The following DLC1 variants were observed in gnomAD, a reference collection of about 807,000 sequenced individuals.
DLC1 encodes rho GTPase-activating protein 7.
In DLC1, 54 loss-of-function variants were observed where a neutral mutation model predicts 140.3. The ratio of observed to expected loss-of-function variants is 0.38; its 90% CI spans 0.31 to 0.48. The LOEUF (loss-of-function observed/expected upper bound fraction) is 0.48, where lower values mean the gene tolerates loss of function less well. Ranked by LOEUF, DLC1 falls within the 20% of genes least tolerant of loss-of-function variation. The probability of loss-of-function intolerance (pLI) is 0.96; values close to 1 mark genes in which losing one functional copy is unlikely to be tolerated. For missense variants in DLC1, 2,536 were observed against 1,907.0 expected, an observed-to-expected ratio of 1.33 and a Z score of -6.14; for synonymous variants, 986 against 728.1, an observed-to-expected ratio of 1.35 and a Z score of -5.70.
intron 5 of DLC1, among the ~76,000 whole-genome samples, chr8:13,183,728 C>A (rs1206719914): frequency 6.6e-6 from 1 of 152,118 alleles, no homozygotes; most frequent in Non-Finnish European, 1.5e-5. Flanking sequence ...CAGTATTTTA[C>A]TGAGGATTTT....
At chr8:13,337,561 G>A (rs933514462) in intron 4 of DLC1, among the ~76,000 whole-genome samples, 2 of 152,096 alleles carry the variant, frequency 1.3e-5, no homozygotes, top group African/African-American at 2.4e-5. Flanking sequence ...AGATTCTGAT[G>A]CCTATCCACA....
At chr8:13,571,847 T>A (rs1324936699) in intron 1 of DLC1, among the ~76,000 whole-genome samples, 1 of 152,202 alleles carries the variant, frequency 6.6e-6, no homozygotes, top group Non-Finnish European at 1.5e-5. Flanking sequence ...ATTCGGATTT[T>A]TTCACGTCCT....
intron 5 of DLC1, among the ~76,000 whole-genome samples, chr8:13,283,293 AACACACACACACACACAC>A (rs58438325): frequency 6.9e-6 from 1 of 145,032 alleles, no homozygotes; most frequent in East Asian, 2.0e-4. Flanking sequence ...ATCCTACTGA[AACACACACACACACACAC>A]ACACACACAC....
chr8:13,485,111 G>A (rs147520595), intron 2 of DLC1, among the ~76,000 whole-genome samples: 2,634 of 152,168 alleles, frequency 0.017, 44 homozygotes, highest in Middle Eastern at 0.031. Context: ...TTAAATCTTT[G>A]GTACTTTAAA....
intron 1 of DLC1, among the ~76,000 whole-genome samples, chr8:13,585,972 C>T (rs1015145460): frequency 1.3e-5 from 2 of 152,084 alleles, no homozygotes; most frequent in East Asian, 1.9e-4. Flanking sequence ...AATGCTTAGC[C>T]TTTCATTTTT....
At chr8:13,548,681 C>A (rs965382359) in intron 1 of DLC1, among the ~76,000 whole-genome samples, 2 of 151,896 alleles carry the variant, frequency 1.3e-5, no homozygotes, top group Admixed American at 1.3e-4. Context: ...TAATTGACAT[C>A]GTAACTTAAG....
intron 4 of DLC1, among the ~76,000 whole-genome samples, chr8:13,383,105 G>A (rs961771229): frequency 6.6e-6 from 1 of 152,160 alleles, no homozygotes; most frequent in Non-Finnish European, 1.5e-5. Flanking sequence ...CATCTCACTT[G>A]CAAACACGGG....
chr8:13,528,679 G>A (rs1802997027), intron 1 of DLC1, among the ~76,000 whole-genome samples: 1 of 152,106 alleles, frequency 6.6e-6, no homozygotes, highest in African/African-American at 2.4e-5. Context: ...ATTTTATTTG[G>A]GGCCTTGCTG....
intron 4 of DLC1, among the ~76,000 whole-genome samples, chr8:13,373,883 G>C (rs1271567804): frequency 6.6e-6 from 1 of 152,070 alleles, no homozygotes; most frequent in Non-Finnish European, 1.5e-5. Flanking sequence ...CATATATAAA[G>C]CATGTTCTAC....
At chr8:13,321,439 G>A (rs568667620) in intron 4 of DLC1, among the ~76,000 whole-genome samples, 25 of 151,572 alleles carry the variant, frequency 1.6e-4, no homozygotes, top group African/African-American at 6.1e-4. Flanking sequence ...TTGGGAGGCT[G>A]AGGCAGGAGA....
At chr8:13,445,286 G>C (rs1798726481) in intron 2 of DLC1, among the ~76,000 whole-genome samples, 1 of 152,170 alleles carries the variant, frequency 6.6e-6, no homozygotes, top group Non-Finnish European at 1.5e-5. Context: ...TTTAACCAGG[G>C]AACAGAAAGC....
In DLC1 at chr8:13,100,312, C is replaced by G; in HGVS notation, c.2025G>C (p.Lys675Asn). Residue 675 changes from lysine to asparagine, a missense_variant, in exon 9 of 18, where the codon AAG becomes AAC. Lys to Asn is a moderately conservative substitution (Grantham distance 94, BLOSUM62 0). Coordinates refer to ENST00000276297, the MANE Select transcript of DLC1 (RefSeq NM_182643.3). ...GCTTGCTGTGATGGGAGCTCTTGAG[C>G]TTCAGGCTCTCCATCCGTTTCAGCA... The part of the protein sequence containing the change: ...RSLLKRMESL[K>N]LKSSHHSKHK... 2.5e-6 allele frequency: 4 copies of G among 1,614,194 alleles called. No homozygotes were observed. The highest frequency in any genetic ancestry group is 3.4e-6 in the Non-Finnish European group (4 of 1,180,048).
intron 2 of DLC1, among the ~76,000 whole-genome samples, chr8:13,467,425 A>C (rs1799987805): frequency 6.7e-6 from 1 of 150,142 alleles, no homozygotes; most frequent in Non-Finnish European, 1.5e-5. Context: ...TTGTTAGGTT[A>C]AGGTAGTTCT....
At chr8:13,508,723 T>C (rs1476634066) in intron 1 of DLC1, among the ~76,000 whole-genome samples, 1 of 152,144 alleles carries the variant, frequency 6.6e-6, no homozygotes, top group Non-Finnish European at 1.5e-5. Flanking sequence ...CGGCCAGATG[T>C]AGTAATTTCT....
intron 7 of DLC1, among the ~76,000 whole-genome samples, chr8:13,108,556 AC>A (rs1819789648): frequency 3.3e-5 from 5 of 152,192 alleles, no homozygotes; most frequent in Non-Finnish European, 7.3e-5. Flanking sequence ...GAAATGGAAA[AC>A]AACATTTCAA....
At chr8:13,123,192 T>C (rs542870239) in intron 5 of DLC1, among the ~76,000 whole-genome samples, 12 of 152,302 alleles carry the variant, frequency 7.9e-5, no homozygotes, top group African/African-American at 2.4e-4. Flanking sequence ...GTCACGTTAG[T>C]GAGTGCCCCT....
chr8:13,504,862 G>A (rs1801983108), intron 1 of DLC1, among the ~76,000 whole-genome samples: 1 of 152,052 alleles, frequency 6.6e-6, no homozygotes, highest in South Asian at 2.1e-4. Flanking sequence ...CATGGCAAAA[G>A]GAAGCCAAGA....
chr8:13,209,155 A>T (rs1369930597), intron 5 of DLC1, among the ~76,000 whole-genome samples: 1 of 152,180 alleles, frequency 6.6e-6, no homozygotes, highest in Admixed American at 6.5e-5. Flanking sequence ...CACCAAGGCT[A>T]CAGGAACTGC....
At chr8:13,096,312 T>C (rs376447699) in intron 10 of DLC1, among the ~76,000 whole-genome samples, 13 of 152,266 alleles carry the variant, frequency 8.5e-5, no homozygotes, top group South Asian at 2.1e-4. Context: ...ATCTAAAATA[T>C]GCAGTTTTAA....
Sources: allele counts gnomAD v4.1 joint callset (sites outside exome capture counted in the v4.1 genomes callset), GRCh38; gene constraint gnomAD v4.1.1; transcripts MANE v1.5; gene names NCBI Gene and HGNC (gene_info 2026-07-23, HGNC 2026-07-21).